The following FBLN1 variants were observed in gnomAD, a reference collection of about 807,000 sequenced individuals.
The protein encoded by FBLN1 is fibulin 1.
FBLN1 carries 34 observed loss-of-function variants against 89.7 expected under a neutral mutation model. The ratio of observed to expected loss-of-function variants is 0.38; its 90% CI spans 0.29 to 0.50. FBLN1 has a LOEUF of 0.50. FBLN1 is among the 20% of genes least tolerant of loss of function. FBLN1 has a pLI of 0.92. For missense variants in FBLN1, 777 were observed against 988.1 expected (o/e 0.79, Z 2.86); for synonymous variants, 393 against 391.3 (o/e 1.00, Z -0.05).
chr22:45,526,870 A>T (rs2088336130), intron 3 of FBLN1, among the ~76,000 whole-genome samples: 2 of 152,064 alleles, frequency 1.3e-5, no homozygotes, highest in South Asian at 4.1e-4. Context: ...GGCCTTGCAG[A>T]TGCCGTCGGT....
In FBLN1 at chr22:45,565,333, C is replaced by T. The variant is rs1118; in HGVS notation, c.1698-9178C>T. The T allele has an allele frequency of 0.65, 789,399 of 1,222,712 alleles. 254,692 individuals are homozygous for T. Among genetic ancestry groups the T allele is most frequent in the African/African-American group, 0.7 (45,220 of 64,168 alleles). 75.7% of individuals were successfully genotyped at this position (1,222,712 alleles called of 1,614,324 possible). A position where few individuals can be genotyped will look rare whatever the true frequency, so the allele number is the denominator to read the frequency against. ...TGGCCTCTGCCCACCCTTTGAGCTG[C>T]ACCTGCCCCACCCCAGCTCATCCAT... On this transcript the variant is annotated intron_variant, in intron 14 of 16. Coordinates refer to ENST00000327858, the MANE Select transcript of FBLN1 (RefSeq NM_006486.3).
intron 14 of FBLN1, among the ~76,000 whole-genome samples, chr22:45,569,205 C>CCG (rs1555960044): frequency 3.9e-5 from 6 of 152,144 alleles, no homozygotes; most frequent in African/African-American, 1.4e-4. Context: ...TGTGTCCCCC[C>CCG]CCAAATTCAT....
At chr22:45,593,879 CCAGGGCCTGG>C (rs1410954342) in intron 16 of FBLN1, among the ~76,000 whole-genome samples, 2 of 152,196 alleles carry the variant, frequency 1.3e-5, no homozygotes, top group Non-Finnish European at 2.9e-5. Flanking sequence ...CATGGGCCTG[CCAGGGCCTGG>C]GTTGGGGATG....
At chr22:45,524,077 G>A (rs1010818122) in intron 2 of FBLN1, among the ~76,000 whole-genome samples, 3 of 152,214 alleles carry the variant, frequency 2.0e-5, no homozygotes, top group East Asian at 1.9e-4. Flanking sequence ...AGCTCAGCTC[G>A]GTAATTCCAT....
chr22:45,553,323 T>C (rs1349145989), intron 14 of FBLN1, among the ~76,000 whole-genome samples: 1 of 152,102 alleles, frequency 6.6e-6, no homozygotes, highest in Non-Finnish European at 1.5e-5. Flanking sequence ...CTCTAACGCA[T>C]GACATGGCCC....
chr22:45,574,501 T>C lies in FBLN1; in HGVS notation c.1698-10T>C, dbSNP rs936870064. Reference sequence around the variant, plus strand: ...TCCCCGTCAGCCTCGTGTGCTGTGGTTCCCCTCAGGCTCCAGCAGGAGAAG... The same window carrying C: ...TCCCCGTCAGCCTCGTGTGCTGTGGCTCCCCTCAGGCTCCAGCAGGAGAAG... On this transcript the variant is annotated splice_polypyrimidine_tract_variant and intron_variant, in intron 14 of 16. Coordinates refer to ENST00000327858, the MANE Select transcript of FBLN1 (RefSeq NM_006486.3). This position sits in a 1 kb window ranked among gnomAD's most constrained non-coding sequence, Gnocchi z 4.1. The C allele has an allele frequency of 5.6e-6, 9 of 1,613,932 alleles. No individual in the cohort carries two copies. The African/African-American group carries it at 1.2e-4, about 22-fold the overall frequency.
Position 45,550,608 on chromosome 22 carries a change from G to A in FBLN1, c.1690G>A (p.Ala564Thr), listed in dbSNP as rs142867241. Residue 564 changes from alanine to threonine, a missense_variant, in exon 14 of 17, where the codon GCA (alanine) becomes ACA (threonine). Physicochemically the swap from Ala to Thr is moderately conservative, Grantham distance 58 (BLOSUM62 0). Coordinates refer to ENST00000327858, the MANE Select transcript of FBLN1 (RefSeq NM_006486.3). The surrounding 1 kb of genome is among the most constrained non-coding windows in gnomAD (Gnocchi z 8.4). ...GTGCCCTGAGAACTACCGCCGCTCC[G>A]CAGCCACGTAAGTCCCTTGGACCAT... ...FECPENYRRS[A>T]ATLQQEKTDT... is the part of the protein sequence containing the mutation. 1.3e-3 allele frequency: 2,083 copies of A among 1,614,018 alleles called. 18 individuals carry two copies. The African/African-American group carries it at 0.024, about 18-fold the overall frequency.
rs549616319 is a variant in FBLN1, at chr22:45,550,261, C to T, written c.1574-231C>T. ...GTAGTGTTTACTTTTACCATCGTCA[C>T]GCTCCCTCCAGGGATTGCGAATGAT... On this transcript the variant is annotated intron_variant, in intron 13 of 16. Coordinates refer to ENST00000327858, the MANE Select transcript of FBLN1 (RefSeq NM_006486.3). The surrounding 1 kb of genome is among the most constrained non-coding windows in gnomAD (Gnocchi z 8.4). Among the ~76,000 whole-genome samples the T allele has an allele frequency of 2.0e-5, 3 of 152,340 alleles. No homozygotes were observed. The highest frequency in any genetic ancestry group is 3.9e-4 in the East Asian group (2 of 5,186).
At position 45,532,949 on chromosome 22, in the gene FBLN1, C is replaced by A; in HGVS notation, c.545-114C>A. 1.1e-6 allele frequency: 1 copy of A among 947,218 alleles called. No individual in the cohort carries two copies. Among genetic ancestry groups the A allele is most frequent in the Non-Finnish European group, 1.7e-6 (1 of 605,322 alleles). 58.7% of individuals were successfully genotyped at this position (947,218 alleles called of 1,614,324 possible). Reference sequence around the variant, plus strand: ...GTGGGCTCCAGCCAGGTCAGCCTGCCTTCCTGGGTTCGTCTGCCCAGAGGG... The same window carrying A: ...GTGGGCTCCAGCCAGGTCAGCCTGCATTCCTGGGTTCGTCTGCCCAGAGGG... On this transcript the variant is annotated intron_variant, in intron 5 of 16. Coordinates refer to ENST00000327858, the MANE Select transcript of FBLN1 (RefSeq NM_006486.3). The surrounding 1 kb of genome is among the most constrained non-coding windows in gnomAD (Gnocchi z 4.2).
intron 16 of FBLN1, among the ~76,000 whole-genome samples, chr22:45,587,206 G>A (rs1029132636): frequency 3.9e-5 from 6 of 152,112 alleles, no homozygotes; most frequent in South Asian, 2.1e-4. Context: ...CACAGCCGGC[G>A]TTGCTGTGAC....
At chr22:45,573,746 T>A (rs1353949517) in intron 14 of FBLN1, among the ~76,000 whole-genome samples, 1 of 150,290 alleles carries the variant, frequency 6.7e-6, no homozygotes, top group Non-Finnish European at 1.5e-5. Flanking sequence ...GGGTCACTGT[T>A]GGGTTGCAGG....
chr22:45,599,147 G>A (rs2089210274), intron 16 of FBLN1, among the ~76,000 whole-genome samples: 1 of 152,170 alleles, frequency 6.6e-6, no homozygotes, highest in Non-Finnish European at 1.5e-5. Context: ...ACCCTGCCGT[G>A]GCTGAGCTTT....
intron 14 of FBLN1, among the ~76,000 whole-genome samples, chr22:45,566,441 T>A (rs1008513473): frequency 1.3e-5 from 2 of 152,204 alleles, no homozygotes; most frequent in Non-Finnish European, 2.9e-5. Context: ...CCGCAGCTCC[T>A]TGGGGCTCCT....
intron 8 of FBLN1, among the ~76,000 whole-genome samples, chr22:45,538,381 C>T (rs1174861953): frequency 2.0e-5 from 3 of 152,218 alleles, no homozygotes; most frequent in Non-Finnish European, 1.5e-5. Flanking sequence ...AGTAAACGCT[C>T]CTCCCCTGGC....
In FBLN1 at chr22:45,588,580, C is replaced by G. The variant is rs1244858223; in HGVS notation, c.1972+11472C>G. On this transcript the variant is annotated intron_variant, in intron 16 of 16. Transcript: ENST00000327858. The surrounding 1 kb of genome is among the most constrained non-coding windows in gnomAD (Gnocchi z 5.1). Reference sequence around the variant, plus strand: ...CCCCCAGCAGTTGCCCATAACTGGCCGCAGGATCCCACACACCTGCTGACT... The same window carrying G: ...CCCCCAGCAGTTGCCCATAACTGGCGGCAGGATCCCACACACCTGCTGACT... Among the ~76,000 whole-genome samples, 1 of 152,056 alleles carries G rather than the reference C, an allele frequency of 6.6e-6. No individual in the cohort carries two copies. Among genetic ancestry groups the G allele is most frequent in the Non-Finnish European group, 1.5e-5 (1 of 68,008 alleles).
chr22:45,555,878 C>T (rs563101683), intron 14 of FBLN1, among the ~76,000 whole-genome samples: 1 of 152,240 alleles, frequency 6.6e-6, no homozygotes, highest in East Asian at 1.9e-4. Context: ...GTTAACGATA[C>T]TTAAATGCTG....
rs531843729 is a variant in FBLN1 at position 45,537,476 on chromosome 22, G to A, written c.922+2139G>A. ...TCTACTAAAAATACAAAAATTAGCC[G>A]GGTGTGGTGGTGGGCACCTTGTAAT... On this transcript the variant is annotated intron_variant, in intron 8 of 16. Transcript: ENST00000327858. This position sits in a 1 kb window ranked among gnomAD's most constrained non-coding sequence, Gnocchi z 5.7. 4.6e-5 allele frequency among the ~76,000 whole-genome samples: 7 copies of A among 152,052 alleles called. No homozygotes were observed. The highest frequency in any genetic ancestry group is 8.8e-5 in the Non-Finnish European group (6 of 68,006).
Position 45,568,592 on chromosome 22 carries a change from G to A in FBLN1, c.1698-5919G>A, listed in dbSNP as rs1207584051. 4.0e-3 allele frequency among the ~76,000 whole-genome samples: 180 copies of A among 45,502 alleles called. 20 individuals are homozygous for A. The highest frequency in any genetic ancestry group is 9.8e-3 in the South Asian group (14 of 1,422). 29.9% of individuals were successfully genotyped at this position (45,502 alleles called of 152,430 possible). A position where few individuals can be genotyped will look rare whatever the true frequency, so the allele number is the denominator to read the frequency against. ...TTCTGTAGGAGAATGCTCCTGTAGG[G>A]GAATGCTCCTTCTGTAAGGGAATGC... On this transcript the variant is annotated intron_variant, in intron 14 of 16. Coordinates refer to ENST00000327858, the MANE Select transcript of FBLN1 (RefSeq NM_006486.3).
Position 45,576,137 on chromosome 22 carries a change from A to G in FBLN1, c.1841-840A>G, listed in dbSNP as rs4416. Among the ~76,000 whole-genome samples the G allele has an allele frequency of 0.63, 96,554 of 152,152 alleles. 30,983 individuals carry two copies. Among genetic ancestry groups the G allele is most frequent in the African/African-American group, 0.75 (31,092 of 41,498 alleles). On this transcript the variant is annotated intron_variant, in intron 15 of 16. Coordinates refer to ENST00000327858, the MANE Select transcript of FBLN1 (RefSeq NM_006486.3). This position sits in a 1 kb window ranked among gnomAD's most constrained non-coding sequence, Gnocchi z 5.2. ...GGTTTGCTCCTCCCGAAAAGGAATA[A>G]CGCTGAATCGTCACAGGGTGGCACA... is the stretch of plus-strand genomic sequence containing the variant.
Sources: allele counts gnomAD v4.1 joint callset (sites outside exome capture counted in the v4.1 genomes callset), GRCh38; gene constraint gnomAD v4.1.1; non-coding constraint Gnocchi (gnomAD v3.1); transcripts MANE v1.5; gene names NCBI Gene and HGNC (gene_info 2026-07-23, HGNC 2026-07-21).